The following AZIN2 variants were observed in gnomAD, a reference collection of about 807,000 sequenced individuals.
The protein encoded by AZIN2 is antizyme inhibitor 2.
Under a neutral mutation model 47.8 loss-of-function variants are expected in AZIN2, and 28 were observed. The observed-to-expected ratio is 0.59, with a 90% confidence interval of 0.43 to 0.80. AZIN2 has a LOEUF of 0.80. AZIN2 is among the 30% of genes least tolerant of loss of function. The pLI is 0.00. For synonymous variants in AZIN2, 221 were observed against 239.4 expected, an observed-to-expected ratio of 0.92 and a Z score of 0.71; for missense variants, 535 against 582.5, an observed-to-expected ratio of 0.92 and a Z score of 0.84.
intron 10 of AZIN2, chr1:33,101,801 C>A (rs781710006): frequency 1.9e-5 from 15 of 773,078 alleles, no homozygotes; most frequent in Non-Finnish European, 2.6e-5. Flanking sequence ...ATGCATGTAA[C>A]CTGTTTGGGC....
intron 10 of AZIN2, among the ~76,000 whole-genome samples, chr1:33,111,891 C>T (rs374772252): frequency 3.2e-4 from 49 of 152,194 alleles, no homozygotes; most frequent in African/African-American, 9.9e-4. Flanking sequence ...GCGTGAACCA[C>T]GGCGCCCGGC....
chr1:33,165,472 T>A, the AZIN2 span: 7 of 1,599,320 alleles, frequency 4.4e-6, no homozygotes, highest in South Asian at 7.9e-5. This position sits in a 1 kb window ranked among gnomAD's most constrained non-coding sequence, Gnocchi z 4.0. Flanking sequence ...CAGGCTCACC[T>A]TGGTCTCCGC....
chr1:33,082,104 C>T (rs1045906628), intron 3 of AZIN2, 74 bp from the exon 4 acceptor site: 3 of 689,688 alleles, frequency 4.3e-6, no homozygotes, highest in South Asian at 3.3e-5. Flanking sequence ...GATTGGGATC[C>T]CTGGCCTCGG....
chr1:33,101,707 T>C, intron 10 of AZIN2: 1 of 583,650 alleles, frequency 1.7e-6, no homozygotes, highest in Non-Finnish European at 3.1e-6. Context: ...TTTTTCAGTA[T>C]AGGTTTATCA....
At position 33,096,795 on chromosome 1, in the gene AZIN2, T is replaced by C. The variant is rs1445368045; in HGVS notation, c.842T>C (p.Val281Ala). ...DIFAELGRYY[V>A]TSAFTVAVSI... ...TTTGCTGAGCTGGGGCGCTACTACGTGACCTCGGCCTTCACTGTGGCAGTC... is the reference window on the plus strand; with the variant it reads ...TTTGCTGAGCTGGGGCGCTACTACGCGACCTCGGCCTTCACTGTGGCAGTC... The change falls in exon 9 of 12, where the codon GTG becomes GCG. Residue 281 changes from valine to alanine, a missense_variant. Physicochemically the swap from Val to Ala is moderately conservative, Grantham distance 64 (BLOSUM62 0). Around this residue, in one of 3 missense-constraint regions of AZIN2, gnomAD observed 409 missense variants for 429.0 expected, o/e 0.95. Coordinates refer to ENST00000294517, the MANE Select transcript of AZIN2 (RefSeq NM_052998.4). 1 of 1,614,080 alleles carries C rather than the reference T, an allele frequency of 6.2e-7. No homozygotes were observed.
chr1:33,082,424 C>T (rs1257969272), intron 4 of AZIN2, 70 bp downstream of exon 4: 3 of 1,094,374 alleles, frequency 2.7e-6, no homozygotes, highest in Non-Finnish European at 4.0e-6. Flanking sequence ...AGGAAGGGTC[C>T]CTAGGGCCCT....
the AZIN2 span, among the ~76,000 whole-genome samples, chr1:33,158,916 C>G: frequency 1.3e-5 from 2 of 152,046 alleles, no homozygotes; most frequent in Admixed American, 1.3e-4. Context: ...TCTCAGCTCA[C>G]TGCAACCTCT....
rs756856546 is a variant in AZIN2, at chr1:33,094,587, T to C, written c.627T>C (p.Tyr209=). Residue 209 remains tyrosine, a synonymous_variant, in exon 8 of 12, where the codon TAT becomes TAC. Transcript: ENST00000294517. ...GTGGCTGTCCTGACCCTCAGGCCTA[T>C]GCTCAGTCCATCGCAGACGCCCGGC... is the stretch of plus-strand genomic sequence containing the variant. The part of the protein sequence containing the change: ...IGSGCPDPQA[Y]AQSIADARLV... 6.2e-7 allele frequency: 1 copy of C among 1,614,178 alleles called. No individual in the cohort carries two copies. Among genetic ancestry groups the C allele is most frequent in the Non-Finnish European group, 8.5e-7 (1 of 1,180,028 alleles).
chr1:33,085,655 A>T (rs561269703), intron 5 of AZIN2, among the ~76,000 whole-genome samples: 1 of 152,292 alleles, frequency 6.6e-6, no homozygotes, highest in East Asian at 1.9e-4. Context: ...AGAGGTGTGC[A>T]CTTGGCCGGG....
chr1:33,158,539 T>C, the AZIN2 span, among the ~76,000 whole-genome samples: 73 of 152,344 alleles, frequency 4.8e-4, no homozygotes, highest in South Asian at 1.0e-3. Context: ...TCTCTAACCA[T>C]TCCCTCAGTC....
intron 10 of AZIN2, among the ~76,000 whole-genome samples, chr1:33,101,251 C>T (rs1051405782): frequency 6.6e-5 from 10 of 151,812 alleles, no homozygotes; most frequent in Non-Finnish European, 1.0e-4. Flanking sequence ...GTTGTCTAGG[C>T]GGGTTGAGAA....
intron 5 of AZIN2, among the ~76,000 whole-genome samples, chr1:33,084,610 T>G (rs1157703693): frequency 2.0e-5 from 3 of 152,188 alleles, no homozygotes; most frequent in African/African-American, 7.2e-5. Context: ...TTTTTTTCAT[T>G]TTTTGAGATG....
At position 33,084,086 on chromosome 1, in the gene AZIN2, G is replaced by T. The variant is rs756599562; in HGVS notation, c.238G>T (p.Val80Phe). The T allele has an allele frequency of 6.2e-7, 1 of 1,613,334 alleles. No individual in the cohort carries two copies. Among genetic ancestry groups the T allele is most frequent in the South Asian group, 1.1e-5 (1 of 91,056 alleles). ...CAACAGCAGCCCAGGTGTGCTGAAGGTTCTGGCCCAGCTGGGGCTGGGCTT... is the reference window on the plus strand; with the variant it reads ...CAACAGCAGCCCAGGTGTGCTGAAGTTTCTGGCCCAGCTGGGGCTGGGCTT... ...KCNSSPGVLK[V>F]LAQLGLGFSC... Residue 80 changes from valine (V) to phenylalanine (F), a missense_variant, in exon 5 of 12, where the codon GTT becomes TTT. Physicochemically the swap from Val to Phe is conservative, Grantham distance 50. Around this residue, in one of 3 missense-constraint regions of AZIN2, gnomAD observed 409 missense variants for 429.0 expected, o/e 0.95. Coordinates refer to ENST00000294517, the MANE Select transcript of AZIN2 (RefSeq NM_052998.4).
the AZIN2 span, chr1:33,147,053 G>T: frequency 1.0e-6 from 1 of 996,454 alleles, no homozygotes; most frequent in Non-Finnish European, 1.5e-6. The surrounding 1 kb of genome is among the most constrained non-coding windows in gnomAD (Gnocchi z 8.1). Context: ...GAGGCTGGAG[G>T]GTAAACAACT....
downstream of AZIN2, among the ~76,000 whole-genome samples, chr1:33,127,401 G>C (rs1030211643): frequency 3.3e-5 from 5 of 152,270 alleles, no homozygotes; most frequent in African/African-American, 1.2e-4. Context: ...TTTACCAAAC[G>C]GTGAGAAGGA....
At chr1:33,154,800 A>C in the AZIN2 span, among the ~76,000 whole-genome samples, 2 of 127,734 alleles carry the variant, frequency 1.6e-5, no homozygotes. Flanking sequence ...TCCGTATCCA[A>C]AAAAAAAAAG....
At chr1:33,100,320 C>CAA (rs58751120) in intron 10 of AZIN2, among the ~76,000 whole-genome samples, 23 of 76,124 alleles carry the variant, frequency 3.0e-4, no homozygotes, top group African/African-American at 1.0e-3. Context: ...GACTCTGTCT[C>CAA]AAAAAAAAAA....
At position 33,117,958 on chromosome 1, in the gene AZIN2, T is replaced by G; in HGVS notation, c.1086T>G (p.Asp362Glu). 2 of 1,613,358 alleles carry G rather than the reference T, an allele frequency of 1.2e-6. No homozygotes were observed. Among genetic ancestry groups the G allele is most frequent in the Non-Finnish European group, 1.7e-6 (2 of 1,179,620 alleles). The change falls in exon 11 of 12, where the codon GAT (aspartate) becomes GAG (glutamate). Residue 362 changes from aspartate to glutamate, a missense_variant. Transcript: ENST00000294517. ...YSSSLWGPAVDGCDCVAEGLW... is the reference protein window; with the variant it reads ...YSSSLWGPAVEGCDCVAEGLW... ...GCAGCCTGTGGGGCCCGGCGGTTGA[T>G]GGCTGTGATTGCGTGGCTGAGGGCC...
chr1:33,135,688 A>G, the AZIN2 span, among the ~76,000 whole-genome samples: 6 of 152,184 alleles, frequency 3.9e-5, no homozygotes, highest in Admixed American at 3.3e-4. Context: ...TGCAGGTCTC[A>G]GCTTCAGCAG....
Sources: allele counts gnomAD v4.1 joint callset (sites outside exome capture counted in the v4.1 genomes callset), GRCh38; gene constraint gnomAD v4.1.1; regional missense constraint gnomAD v4.1.1; non-coding constraint Gnocchi (gnomAD v3.1); transcripts MANE v1.5; gene names NCBI Gene and HGNC (gene_info 2026-07-23, HGNC 2026-07-21).